MLKL: variants seen among roughly 807,000 people sequenced by gnomAD.
The protein encoded by MLKL is mixed lineage kinase domain like pseudokinase, also known as mixed lineage kinase domain-like protein.
In MLKL, 55 loss-of-function variants were observed where a neutral mutation model predicts 56.5. The observed-to-expected ratio is 0.97, with a 90% confidence interval of 0.78 to 1.22. MLKL has a LOEUF of 1.22. MLKL is among the 50% of genes most tolerant of loss of function. The probability of loss-of-function intolerance (pLI) is 0.00; values close to 1 mark genes in which losing one functional copy is unlikely to be tolerated. For missense variants in MLKL, 694 were observed against 573.9 expected (o/e 1.21, Z -2.14); for synonymous variants, 251 against 208.3 (o/e 1.20, Z -1.76).
intron 2 of MLKL, among the ~76,000 whole-genome samples, chr16:74,694,934 G>A (rs1197041856): frequency 6.6e-6 from 1 of 152,068 alleles, no homozygotes; most frequent in Non-Finnish European, 1.5e-5. Context: ...GTGCAGTGGC[G>A]CGATCTCAGC....
Position 74,675,625 on chromosome 16 carries a change from G to T in MLKL, c.1178C>A (p.Ser393Tyr), listed in dbSNP as rs1959547817. The change falls in exon 8 of 11, where the codon TCT becomes TAT. Residue 393 changes from serine to tyrosine, a missense_variant. Ser to Tyr is a moderately radical substitution (Grantham distance 144). Transcript: ENST00000308807. Reference sequence around the variant, plus strand: ...AACGTGAGTGTACCTGTATATTTCAGACTTTACATCATATTGATAAAATAC... The same window carrying T: ...AACGTGAGTGTACCTGTATATTTCATACTTTACATCATATTGATAAAATAC... ...EDVFYQYDVK[S>Y]EIYSFGIVLW... The T allele has an allele frequency of 1.2e-6, 2 of 1,613,292 alleles. No individual in the cohort carries two copies. Among genetic ancestry groups the T allele is most frequent in the Non-Finnish European group, 1.7e-6 (2 of 1,179,956 alleles).
chr16:74,685,723 T>C, intron 4 of MLKL, 140 bp from the exon 5 acceptor site: 2 of 664,542 alleles, frequency 3.0e-6, no homozygotes, highest in Non-Finnish European at 5.4e-6. Flanking sequence ...TGAACTCAGC[T>C]ACTGATAACA....
intron 1 of MLKL, among the ~76,000 whole-genome samples, chr16:74,695,988 C>A (rs981678954): frequency 6.6e-6 from 1 of 152,206 alleles, no homozygotes; most frequent in Admixed American, 6.5e-5. Context: ...ATCTCCCAGC[C>A]TTCCTTGCAA....
intron 1 of MLKL, among the ~76,000 whole-genome samples, chr16:74,696,623 C>CA (rs890171680): frequency 1.4e-5 from 2 of 147,978 alleles, no homozygotes; most frequent in South Asian, 2.1e-4. Flanking sequence ...CCTTTCTCTA[C>CA]AAAAATAAAA....
At chr16:74,676,229 A>T (rs1160352677) in intron 7 of MLKL, 9 of 993,072 alleles carry the variant, frequency 9.1e-6, no homozygotes, top group Non-Finnish European at 1.1e-5. Flanking sequence ...ATCTGACTTT[A>T]TGGGGGGTCA....
rs4072222 is a variant in MLKL, at chr16:74,672,838, A to C, written c.1382-300T>G. Among the ~76,000 whole-genome samples the C allele has an allele frequency of 0.58, 88,838 of 152,072 alleles. 27,045 individuals carry two copies. The highest frequency in any genetic ancestry group is 0.81 in the East Asian group (4,170 of 5,172). The stretch of plus-strand genomic sequence containing the variant: ...AGGTTGTAAGGGAGCTTGGTAGAAG[A>C]AGAAAGAAGACAGAGGAGAGAGTGT... On this transcript the variant is annotated intron_variant, in intron 10 of 10. Transcript: ENST00000308807.
intron 3 of MLKL, 56 bp downstream of exon 3, chr16:74,692,286 A>G: frequency 1.3e-6 from 2 of 1,487,718 alleles, no homozygotes; most frequent in Non-Finnish European, 1.9e-6. Flanking sequence ...GTCCCAGTAA[A>G]CTGATGACTT....
chr16:74,681,182 T>G (rs1959942677), intron 6 of MLKL, among the ~76,000 whole-genome samples: 1 of 152,010 alleles, frequency 6.6e-6, no homozygotes, highest in Non-Finnish European at 1.5e-5. Flanking sequence ...TGTGGCACCA[T>G]GCTGGGCTAA....
rs369487505 is a variant in MLKL, at chr16:74,682,718, T to C, written c.889A>G (p.Arg297Gly). ...TTGCCAAGTGTGAGGTCTTTTTCCCTATCCAACAGCTCCCTCAGGGTCCCG... is the reference window on the plus strand; with the variant it reads ...TTGCCAAGTGTGAGGTCTTTTTCCCCATCCAACAGCTCCCTCAGGGTCCCG... ...ELGTLRELLD[R>G]EKDLTLGKRM... The change falls in exon 6 of 11, where the codon AGG becomes GGG. Residue 297 changes from arginine to glycine, a missense_variant. Transcript: ENST00000308807. 6.2e-7 allele frequency: 1 copy of C among 1,614,132 alleles called. No individual in the cohort carries two copies. The highest frequency in any genetic ancestry group is 2.2e-5 in the East Asian group (1 of 44,878).
At chr16:74,696,954 CATAT>C (rs536725623) in intron 1 of MLKL, among the ~76,000 whole-genome samples, 1 of 138,150 alleles carries the variant, frequency 7.2e-6, no homozygotes, top group African/African-American at 3.0e-5. Context: ...TATAATATTA[CATAT>C]ATATAGTAAT....
intron 2 of MLKL, among the ~76,000 whole-genome samples, chr16:74,692,944 T>A (rs1001102511): frequency 4.6e-5 from 7 of 152,242 alleles, no homozygotes; most frequent in African/African-American, 1.7e-4. Context: ...TGGTCAGCCA[T>A]CCCTGTCTGC....
chr16:74,672,185 T>A lies in MLKL; in HGVS notation c.*319A>T, dbSNP rs1205083861. The A allele has an allele frequency of 3.8e-6, 1 of 265,470 alleles. No individual in the cohort carries two copies. The highest frequency in any genetic ancestry group is 2.2e-5 in the African/African-American group (1 of 45,696). 16.4% of individuals were successfully genotyped at this position (265,470 alleles called of 1,614,324 possible). A position where few individuals can be genotyped will look rare whatever the true frequency, so the allele number is the denominator to read the frequency against. The stretch of plus-strand genomic sequence containing the variant: ...AATCAAGTCACAGTGCCAGCCCAGA[T>A]TCAAATGGTGGGGAAAGAGACTTCA... On this transcript the variant is annotated 3_prime_UTR_variant, in exon 11 of 11. Transcript: ENST00000308807.
chr16:74,690,252 T>C (rs1326641617), intron 4 of MLKL, among the ~76,000 whole-genome samples: 1 of 152,224 alleles, frequency 6.6e-6, no homozygotes, highest in Non-Finnish European at 1.5e-5. Context: ...ATGAAAGTAA[T>C]CAGAAAGCTG....
At chr16:74,680,945 T>C (rs545958624) in intron 6 of MLKL, among the ~76,000 whole-genome samples, 1 of 152,330 alleles carries the variant, frequency 6.6e-6, no homozygotes, top group Non-Finnish European at 1.5e-5. Flanking sequence ...TCATTTGTGG[T>C]TACCTATTTT....
chr16:74,673,548 A>AGTCT (rs1479305810), intron 10 of MLKL, among the ~76,000 whole-genome samples: 1 of 151,966 alleles, frequency 6.6e-6, no homozygotes, highest in Non-Finnish European at 1.5e-5. Context: ...CTTTGTGGAA[A>AGTCT]GTCTGGGAGA....
In MLKL at chr16:74,685,520, G is replaced by A; in HGVS notation, c.786C>T (p.Ile262=). The change falls in exon 5 of 11, where the codon ATC becomes ATT. Residue 262 remains isoleucine, a synonymous_variant. Coordinates refer to ENST00000308807, the MANE Select transcript of MLKL (RefSeq NM_152649.4). The part of the protein sequence containing the change: ...KTMKKFESPN[I]LRIFGICIDE... ...CAATGCAAATCCCAAATATACGCAGGATGTTGGGAGATTCGAATTTCTTCA... is the reference window on the plus strand; with the variant it reads ...CAATGCAAATCCCAAATATACGCAGAATGTTGGGAGATTCGAATTTCTTCA... The A allele has an allele frequency of 6.2e-7, 1 of 1,614,044 alleles. No homozygotes were observed. The highest frequency in any genetic ancestry group is 8.5e-7 in the Non-Finnish European group (1 of 1,179,930).
At position 74,682,610 on chromosome 16, in the gene MLKL, A is replaced by C. The variant is rs150937511; in HGVS notation, c.956+41T>G. 384 of 1,609,880 alleles carry C rather than the reference A, an allele frequency of 2.4e-4. 2 individuals are homozygous for C. In the African/African-American group the frequency reaches 3.5e-3, roughly 15 times the overall value. ...CTGGGAGTATCAGGAGTGTGGACAGACCCATCCAACCCTTAGTGGCGCCTT... is the reference window on the plus strand; with the variant it reads ...CTGGGAGTATCAGGAGTGTGGACAGCCCCATCCAACCCTTAGTGGCGCCTT... On this transcript the variant is annotated intron_variant, in intron 6 of 10. Transcript: ENST00000308807.
Position 74,672,313 on chromosome 16 carries a change from T to G in MLKL, c.*191A>C, listed in dbSNP as rs1359468334. On this transcript the variant is annotated 3_prime_UTR_variant, in exon 11 of 11. Transcript: ENST00000308807. ...ATCAAAGTTACTGTCAGAGGTATGTTTTTGGAAATATCATTTGGAGTGGGA... is the reference window on the plus strand; with the variant it reads ...ATCAAAGTTACTGTCAGAGGTATGTGTTTGGAAATATCATTTGGAGTGGGA... 1 of 533,312 alleles carries G rather than the reference T, an allele frequency of 1.9e-6. No individual in the cohort carries two copies. The highest frequency in any genetic ancestry group is 1.9e-5 in the African/African-American group (1 of 53,356). 33.0% of individuals were successfully genotyped at this position (533,312 alleles called of 1,614,324 possible). A position where few individuals can be genotyped will look rare whatever the true frequency, so the allele number is the denominator to read the frequency against.
chr16:74,682,732 C>T lies in MLKL; in HGVS notation c.875G>A (p.Arg292Lys). 2 of 1,614,160 alleles carry T rather than the reference C, an allele frequency of 1.2e-6. No individual in the cohort carries two copies. Among genetic ancestry groups the T allele is most frequent in the South Asian group, 2.2e-5 (2 of 91,086 alleles). ...VMEYCELGTL[R>K]ELLDREKDLT... Reference sequence around the variant, plus strand: ...GTCTTTTTCCCTATCCAACAGCTCCCTCAGGGTCCCGAGTTCACAGTACTC... The same window carrying T: ...GTCTTTTTCCCTATCCAACAGCTCCTTCAGGGTCCCGAGTTCACAGTACTC... Residue 292 changes from arginine to lysine, a missense_variant, in exon 6 of 11, where the codon AGG (arginine) becomes AAG (lysine). Transcript: ENST00000308807.
Sources: allele counts gnomAD v4.1 joint callset (sites outside exome capture counted in the v4.1 genomes callset), GRCh38; gene constraint gnomAD v4.1.1; transcripts MANE v1.5; gene names NCBI Gene and HGNC (gene_info 2026-07-23, HGNC 2026-07-21).